Variants in PTGR1 observed in about 807,000 individuals in gnomAD.
PTGR1 encodes the protein prostaglandin reductase 1.
In PTGR1, 23 loss-of-function variants were observed where a neutral mutation model predicts 37.7. The observed-to-expected ratio is 0.61, with a 90% confidence interval of 0.44 to 0.86. The LOEUF (loss-of-function observed/expected upper bound fraction) is 0.86. Ranked by LOEUF, PTGR1 falls within the 40% of genes least tolerant of loss-of-function variation. The pLI, the probability that PTGR1 is intolerant of heterozygous loss-of-function variation, is 0.00. For synonymous variants in PTGR1, 134 were observed against 140.0 expected (o/e 0.96, Z 0.30); for missense variants, 351 against 394.3 (o/e 0.89, Z 0.93).
intron 3 of PTGR1, 22 bp from the exon 4 acceptor site, chr9:111,593,004 A>AAAAAAAAAAAAAAAGG: frequency 6.5e-7 from 1 of 1,547,676 alleles, no homozygotes; most frequent in East Asian, 2.3e-5. Context: ...AAAAAAAAAA[A>AAAAAAAAAAAAAAAGG]AAAAAAAAAA....
chr9:111,565,453 G>A (rs1056784543), intron 9 of PTGR1, among the ~76,000 whole-genome samples: 4 of 152,176 alleles, frequency 2.6e-5, no homozygotes, highest in Admixed American at 2.6e-4. Flanking sequence ...GGAAATTAGG[G>A]TATAGGATGC....
chr9:111,589,642 C>CT (rs11324819), intron 4 of PTGR1, among the ~76,000 whole-genome samples: 2,359 of 147,884 alleles, frequency 0.016, 40 homozygotes, highest in Admixed American at 0.039. Context: ...AACATGAATA[C>CT]TTTTTTTTTT....
intron 2 of PTGR1, 51 bp downstream of exon 2, chr9:111,597,266 G>C (rs1007542419): frequency 7.3e-7 from 1 of 1,372,682 alleles, no homozygotes; most frequent in African/African-American, 1.4e-5. Flanking sequence ...TGCAGCAAAA[G>C]CTAACTGATA....
intron 5 of PTGR1, 45 bp downstream of exon 5, chr9:111,585,953 G>C: frequency 6.2e-7 from 1 of 1,602,412 alleles, no homozygotes; most frequent in Non-Finnish European, 8.5e-7. Flanking sequence ...TGGAAAATCA[G>C]AGTGTCAGAC....
intron 7 of PTGR1, among the ~76,000 whole-genome samples, chr9:111,578,262 T>C (rs779611883): frequency 2.6e-5 from 4 of 151,636 alleles, no homozygotes; most frequent in Non-Finnish European, 5.9e-5. Context: ...TTCCATCGAT[T>C]GTTGGGGGGA....
At position 111,570,723 on chromosome 9, in the gene PTGR1, G is replaced by A. The variant is rs574990924; in HGVS notation, c.761-514C>T. 3.3e-5 allele frequency among the ~76,000 whole-genome samples: 5 copies of A among 152,178 alleles called. No homozygotes were observed. The South Asian group carries it at 1.0e-3, about 32-fold the overall frequency. On this transcript the variant is annotated intron_variant, in intron 8 of 9. Transcript: ENST00000407693. Reference sequence around the variant, plus strand: ...GAACCCGACAGGTGGAGGTTGCAGTGAGCCAAGATCGTGCCACCGCACTCC... The same window carrying A: ...GAACCCGACAGGTGGAGGTTGCAGTAAGCCAAGATCGTGCCACCGCACTCC...
chr9:111,594,797 G>A (rs1269946095), intron 2 of PTGR1, among the ~76,000 whole-genome samples: 1 of 149,392 alleles, frequency 6.7e-6, no homozygotes, highest in African/African-American at 2.5e-5. Context: ...GTGATCCATC[G>A]TCTCGGCATC....
chr9:111,595,604 A>G (rs897781591), intron 2 of PTGR1, among the ~76,000 whole-genome samples: 28 of 151,982 alleles, frequency 1.8e-4, no homozygotes, highest in South Asian at 6.2e-4. Flanking sequence ...ATGCTTACCT[A>G]CCTGTAAACA....
chr9:111,563,044 T>C lies in PTGR1; in HGVS notation c.*77A>G, dbSNP rs1004947533. On this transcript the variant is annotated 3_prime_UTR_variant, in exon 10 of 10. Coordinates refer to ENST00000407693, the MANE Select transcript of PTGR1 (RefSeq NM_001146108.2). ...CTATTTCTTAAGACATTTAAGGTAG[T>C]ATACATTTTTGCTAAATGGTGAAAA... 4 of 1,558,844 alleles carry C rather than the reference T, an allele frequency of 2.6e-6. No individual in the cohort carries two copies. The highest frequency in any genetic ancestry group is 1.4e-5 in the African/African-American group (1 of 73,340).
chr9:111,562,426 C>A (rs1564608697), downstream of PTGR1, among the ~76,000 whole-genome samples: 1 of 151,962 alleles, frequency 6.6e-6, no homozygotes. Flanking sequence ...CAGGCATGTG[C>A]CACCACACTC....
At chr9:111,561,873 T>TTTTTG (rs545283246), downstream of PTGR1, among the ~76,000 whole-genome samples, 144 of 152,248 alleles carry the variant, frequency 9.5e-4, no homozygotes, top group Middle Eastern at 3.4e-3. Context: ...TGCTGTTGTT[T>TTTTTG]TTTTGTTTTG....
chr9:111,582,321 A>T lies in PTGR1; in HGVS notation c.495+1151T>A, dbSNP rs915304347. On this transcript the variant is annotated intron_variant, in intron 6 of 9. Transcript: ENST00000407693. ...AATAGGTTTAAGCGCAAGTCCTATC[A>T]AACTTACGGGATAAAAGCCCCTTGT... 2.6e-5 allele frequency among the ~76,000 whole-genome samples: 4 copies of T among 152,366 alleles called. No homozygotes were observed. The East Asian group carries it at 7.7e-4, about 29-fold the overall frequency.
downstream of PTGR1, among the ~76,000 whole-genome samples, chr9:111,560,326 T>C (rs1828236039): frequency 6.6e-6 from 1 of 151,200 alleles, no homozygotes. Flanking sequence ...TACAAAAAAT[T>C]AGCCAGGCGT....
intron 7 of PTGR1, chr9:111,576,258 G>A (rs1829049565): frequency 1.8e-6 from 2 of 1,103,030 alleles, no homozygotes; most frequent in Admixed American, 1.9e-5. Context: ...TATAGAGTTG[G>A]TCCTCATTAT....
intron 7 of PTGR1, 63 bp from the exon 8 acceptor site, chr9:111,574,905 TAA>T: frequency 7.7e-7 from 1 of 1,306,996 alleles, no homozygotes; most frequent in East Asian, 2.4e-5. Context: ...GGAGAATCAT[TAA>T]GTCACAAGCA....
At chr9:111,592,829 C>A in intron 4 of PTGR1, 97 bp downstream of exon 4, 1 of 1,500,350 alleles carries the variant, frequency 6.7e-7, no homozygotes, top group Non-Finnish European at 9.0e-7. Flanking sequence ...ACAACATAGG[C>A]TGAAGAAATT....
At chr9:111,592,710 G>A in intron 4 of PTGR1, 1 of 551,704 alleles carries the variant, frequency 1.8e-6, no homozygotes, top group East Asian at 3.3e-5. Context: ...AAGTAAGGAT[G>A]GCAAAGTGAA....
intron 3 of PTGR1, 68 bp from the exon 4 acceptor site, chr9:111,593,050 A>G: frequency 1.3e-6 from 2 of 1,517,164 alleles, no homozygotes; most frequent in South Asian, 1.3e-5. Flanking sequence ...TTCTTAATAC[A>G]TAGGAGCATC....
downstream of PTGR1, among the ~76,000 whole-genome samples, chr9:111,562,238 A>G (rs1034558921): frequency 6.6e-6 from 1 of 151,302 alleles, no homozygotes; most frequent in East Asian, 1.9e-4. Flanking sequence ...CACTTTAAAG[A>G]TGAAAAATCA....
Sources: allele counts gnomAD v4.1 joint callset (sites outside exome capture counted in the v4.1 genomes callset), GRCh38; gene constraint gnomAD v4.1.1; transcripts MANE v1.5; gene names NCBI Gene and HGNC (gene_info 2026-07-23, HGNC 2026-07-21).